TMEM132D: variants seen among roughly 807,000 people sequenced by gnomAD.
TMEM132D encodes transmembrane protein 132D, also known as mature OL transmembrane protein.
Under a neutral mutation model 62.3 loss-of-function variants are expected in TMEM132D, and 21 were observed. The observed-to-expected ratio is 0.34, with a 90% confidence interval of 0.24 to 0.49. The LOEUF (loss-of-function observed/expected upper bound fraction) is 0.49, where lower values mean the gene tolerates loss of function less well. TMEM132D is among the 20% of genes least tolerant of loss of function. TMEM132D has a pLI of 0.99. For synonymous variants in TMEM132D, 621 were observed against 575.6 expected (o/e 1.08, Z -1.13); for missense variants, 1,346 against 1,402.8 (o/e 0.96, Z 0.65).
intron 1 of TMEM132D, among the ~76,000 whole-genome samples, chr12:129,870,980 T>G (rs1006879247): frequency 2.0e-5 from 3 of 152,052 alleles, no homozygotes; most frequent in Non-Finnish European, 2.9e-5. Flanking sequence ...TTAGAACACC[T>G]GTGGAGAGAG....
At chr12:129,399,169 A>G (rs1226846595) in intron 3 of TMEM132D, among the ~76,000 whole-genome samples, 2 of 149,542 alleles carry the variant, frequency 1.3e-5, no homozygotes, top group East Asian at 1.9e-4. Context: ...TCCCATGACA[A>G]TCAACTCACT....
chr12:129,868,765 C>T (rs909412279), intron 1 of TMEM132D, among the ~76,000 whole-genome samples: 3 of 152,138 alleles, frequency 2.0e-5, no homozygotes, highest in Non-Finnish European at 2.9e-5. Flanking sequence ...CAGCTGCTTG[C>T]GATGCAAGGA....
Position 129,356,367 on chromosome 12 carries a change from C to T in TMEM132D, c.1116-18550G>A, listed in dbSNP as rs566680663. ...AGAGACGGGGTTTCACCGTTTTAGC[C>T]GGGATGGTCTCGATCTCTTGACCTC... is the stretch of plus-strand genomic sequence containing the variant. On this transcript the variant is annotated intron_variant, in intron 3 of 8. Coordinates refer to ENST00000422113, the MANE Select transcript of TMEM132D (RefSeq NM_133448.3). Among the ~76,000 whole-genome samples the T allele has an allele frequency of 2.5e-4, 7 of 27,824 alleles. 2 individuals are homozygous for T. In the East Asian group the frequency reaches 3.2e-3, roughly 13 times the overall value. 18.3% of individuals were successfully genotyped at this position (27,824 alleles called of 152,430 possible). A position where few individuals can be genotyped will look rare whatever the true frequency, so the allele number is the denominator to read the frequency against.
chr12:129,545,856 C>T (rs1876717467), intron 2 of TMEM132D, among the ~76,000 whole-genome samples: 1 of 152,198 alleles, frequency 6.6e-6, no homozygotes, highest in Non-Finnish European at 1.5e-5. Context: ...CTTGGTTTAA[C>T]TCTTCAGGTA....
intron 3 of TMEM132D, among the ~76,000 whole-genome samples, chr12:129,467,509 C>G (rs2137044665): frequency 6.6e-6 from 1 of 152,272 alleles, no homozygotes; most frequent in African/African-American, 2.4e-5. Flanking sequence ...GTTGAGCATT[C>G]TGATTGGCTG....
At chr12:129,185,954 G>T (rs1424778161) in intron 5 of TMEM132D, among the ~76,000 whole-genome samples, 2 of 152,158 alleles carry the variant, frequency 1.3e-5, no homozygotes, top group African/African-American at 4.8e-5. Context: ...CAACACCCTG[G>T]AAAACCTCTA....
At chr12:129,625,646 T>A (rs1322032151) in intron 2 of TMEM132D, among the ~76,000 whole-genome samples, 1 of 152,106 alleles carries the variant, frequency 6.6e-6, no homozygotes, top group Admixed American at 6.6e-5. Flanking sequence ...TCTGACAGAG[T>A]GTGGATGAGA....
At chr12:129,689,278 G>A (rs1195419699) in intron 2 of TMEM132D, among the ~76,000 whole-genome samples, 1 of 152,140 alleles carries the variant, frequency 6.6e-6, no homozygotes, top group East Asian at 1.9e-4. Flanking sequence ...AAAAGCTCCT[G>A]CTTCTGAATT....
At chr12:129,597,308 T>G (rs1186163154) in intron 2 of TMEM132D, among the ~76,000 whole-genome samples, 1 of 152,236 alleles carries the variant, frequency 6.6e-6, no homozygotes, top group Non-Finnish European at 1.5e-5. Context: ...TCCTGTTTAC[T>G]TTATTTGTAC....
intron 1 of TMEM132D, among the ~76,000 whole-genome samples, chr12:129,711,005 C>T (rs1881628846): frequency 6.6e-6 from 1 of 152,194 alleles, no homozygotes; most frequent in Non-Finnish European, 1.5e-5. Context: ...CCCTGGGTAA[C>T]CATATCCACT....
intron 1 of TMEM132D, among the ~76,000 whole-genome samples, chr12:129,801,126 C>T (rs180680134): frequency 0.022 from 3,296 of 152,256 alleles, 131 homozygotes; most frequent in African/African-American, 0.076. Flanking sequence ...AAGGCAGCAG[C>T]GAGGTTGGGG....
chr12:129,311,185 G>A (rs1255138372), intron 4 of TMEM132D, among the ~76,000 whole-genome samples: 3 of 121,298 alleles, frequency 2.5e-5, no homozygotes, highest in East Asian at 2.3e-4. Context: ...GCGACAGAGC[G>A]AGACTCCGTC....
intron 1 of TMEM132D, among the ~76,000 whole-genome samples, chr12:129,889,569 ATAT>A (rs1874856432): frequency 6.6e-6 from 1 of 152,222 alleles, no homozygotes; most frequent in Non-Finnish European, 1.5e-5. Context: ...TGCTACTAAA[ATAT>A]TATTAGAAAA....
chr12:129,902,245 G>C (rs1423204484), intron 1 of TMEM132D, among the ~76,000 whole-genome samples: 1 of 152,218 alleles, frequency 6.6e-6, no homozygotes, highest in Non-Finnish European at 1.5e-5. Flanking sequence ...GTGATAATTG[G>C]CTTTGAAGTT....
intron 3 of TMEM132D, among the ~76,000 whole-genome samples, chr12:129,464,572 C>T (rs1314999719): frequency 6.6e-6 from 1 of 152,120 alleles, no homozygotes; most frequent in African/African-American, 2.4e-5. Context: ...ATAGTAATGC[C>T]TAGGTTTTCT....
intron 3 of TMEM132D, among the ~76,000 whole-genome samples, chr12:129,369,742 A>G (rs944135832): frequency 1.3e-5 from 2 of 152,256 alleles, no homozygotes; most frequent in African/African-American, 4.8e-5. Flanking sequence ...TCAGCAGCAA[A>G]GAGAACAACT....
At chr12:129,770,148 T>G (rs1870692329) in intron 1 of TMEM132D, among the ~76,000 whole-genome samples, 1 of 140,760 alleles carries the variant, frequency 7.1e-6, no homozygotes, top group African/African-American at 2.6e-5. Flanking sequence ...TGGTTGTTTT[T>G]TTTTTTTTTT....
chr12:129,602,722 CCTT>C (rs1207104641), intron 2 of TMEM132D, among the ~76,000 whole-genome samples: 17 of 152,182 alleles, frequency 1.1e-4, no homozygotes, highest in African/African-American at 3.1e-4. Context: ...CAGCCCTCCT[CCTT>C]ATCACCATCC....
intron 4 of TMEM132D, among the ~76,000 whole-genome samples, chr12:129,224,295 C>T (rs1391607850): frequency 6.6e-6 from 1 of 152,170 alleles, no homozygotes; most frequent in Non-Finnish European, 1.5e-5. Flanking sequence ...ATCCTCCCAT[C>T]AGAATATTTT....
Sources: gnomAD v4.1 joint callset for allele counts (sites outside exome capture counted in the v4.1 genomes callset) on GRCh38, gnomAD v4.1.1 for gene constraint, MANE v1.5 for transcripts, NCBI Gene and HGNC (gene_info 2026-07-23, HGNC 2026-07-21) for gene names.